TTLL3: variants seen among roughly 807,000 people sequenced by gnomAD.
TTLL3 encodes tubulin monoglycylase TTLL3.
Under a neutral mutation model 75.2 loss-of-function variants are expected in TTLL3, and 63 were observed. The ratio of observed to expected loss-of-function variants is 0.84; its 90% CI spans 0.68 to 1.03. The LOEUF (loss-of-function observed/expected upper bound fraction) is 1.03, where lower values mean the gene tolerates loss of function less well. Ranked by LOEUF, TTLL3 falls within the 50% of genes least tolerant of loss-of-function variation. TTLL3 has a pLI of 0.00. For synonymous variants in TTLL3, 393 were observed against 418.5 expected (o/e 0.94, Z 0.74); for missense variants, 997 against 1,069.9 (o/e 0.93, Z 0.95).
At chr3:9,812,883 C>G in intron 2 of TTLL3, 60 bp from the exon 3 acceptor site, 1 of 1,421,022 alleles carries the variant, frequency 7.0e-7, no homozygotes, top group South Asian at 2.0e-5. Flanking sequence ...ACCTTTATAT[C>G]CCCTATGTCT....
intron 5 of TTLL3, among the ~76,000 whole-genome samples, chr3:9,817,161 ACG>A (rs1293104737): frequency 6.6e-6 from 1 of 152,098 alleles, no homozygotes; most frequent in Non-Finnish European, 1.5e-5. Context: ...ACAGTGGCTC[ACG>A]CCTGTAATCC....
rs574527087 is a variant in TTLL3, at chr3:9,825,678, A to C, written c.855-122A>C. On this transcript the variant is annotated intron_variant, in intron 8 of 13. Transcript: ENST00000685419. ...TTGGGAGGGACCTATGGATATCTGC[A>C]GGGAGGGCGTGACCAAGGCTGCCTG... 5 of 1,567,662 alleles carry C rather than the reference A, an allele frequency of 3.2e-6. No homozygotes were observed. In the African/African-American group the frequency reaches 5.4e-5, roughly 17 times the overall value.
At chr3:9,818,748 C>T (rs1295620422) in intron 6 of TTLL3, 74 bp from the exon 7 acceptor site, 1 of 1,609,586 alleles carries the variant, frequency 6.2e-7, no homozygotes, top group Non-Finnish European at 8.5e-7. Flanking sequence ...TGGGGCAAGT[C>T]ATGATCAGGT....
At chr3:9,818,960 C>G (rs371590443) in intron 7 of TTLL3, 40 bp downstream of exon 7, 1 of 1,613,348 alleles carries the variant, frequency 6.2e-7, no homozygotes, top group Non-Finnish European at 8.5e-7. Context: ...ACCCATTTAT[C>G]CTCCACCCAT....
Position 9,810,684 on chromosome 3 carries a change from A to C in TTLL3, c.23A>C (p.Lys8Thr), listed in dbSNP as rs1440792135. The C allele has an allele frequency of 6.3e-7, 1 of 1,587,862 alleles. No individual in the cohort carries two copies. Among genetic ancestry groups the C allele is most frequent in the South Asian group, 1.2e-5 (1 of 86,662 alleles). MNRLRNA[K>T]IYVERAVKQK... ...CACATGAACCGGCTCAGAAACGCCA[A>C]AATCTACGTGGAGAGAGCTGTCAAG... Residue 8 changes from lysine (K) to threonine (T), a missense_variant, in exon 2 of 14, where the codon AAA becomes ACA. By Grantham distance (78) the Lys-to-Thr change is moderately conservative. Coordinates refer to ENST00000685419, the MANE Select transcript of TTLL3 (RefSeq NM_001387446.1). The surrounding 1 kb of genome is among the most constrained non-coding windows in gnomAD (Gnocchi z 4.4).
chr3:9,816,460 G>A (rs973739209), intron 5 of TTLL3, among the ~76,000 whole-genome samples: 5 of 151,650 alleles, frequency 3.3e-5, no homozygotes, highest in East Asian at 1.9e-4. Context: ...GTGAGCAAAC[G>A]GACTCTTACC....
At chr3:9,816,661 G>A (rs1023746984) in intron 5 of TTLL3, among the ~76,000 whole-genome samples, 3 of 151,912 alleles carry the variant, frequency 2.0e-5, no homozygotes, top group Non-Finnish European at 4.4e-5. Context: ...GACTACAGGT[G>A]CGTGTCACCA....
At position 9,827,209 on chromosome 3, in the gene TTLL3, A is replaced by G; in HGVS notation, c.1216A>G (p.Thr406Ala). 2 of 1,614,146 alleles carry G rather than the reference A, an allele frequency of 1.2e-6. No homozygotes were observed. The highest frequency in any genetic ancestry group is 8.5e-7 in the Non-Finnish European group (1 of 1,179,998). The change falls in exon 10 of 14, where the codon ACG becomes GCG. Residue 406 changes from threonine to alanine, a missense_variant. Coordinates refer to ENST00000685419, the MANE Select transcript of TTLL3 (RefSeq NM_001387446.1). ...CCGCGACAGCTATATCCGCTTTTCCACGCAGCCCTTCTCCCTGAAGAACCT... is the reference window on the plus strand; with the variant it reads ...CCGCGACAGCTATATCCGCTTTTCCGCGCAGCCCTTCTCCCTGAAGAACCT... ...FYRDSYIRFS[T>A]QPFSLKNLDN...
intron 13 of TTLL3, 49 bp from the exon 14 acceptor site, chr3:9,835,045 T>G: frequency 6.3e-7 from 1 of 1,587,366 alleles, no homozygotes. Flanking sequence ...AGCCCCTTCC[T>G]CCACAGACTT....
intron 7 of TTLL3, chr3:9,819,177 G>C: frequency 1.9e-6 from 1 of 519,756 alleles, no homozygotes; most frequent in Non-Finnish European, 3.4e-6. Flanking sequence ...CCTCCCACCT[G>C]TCACCCATTG....
At position 9,835,751 on chromosome 3, in the gene TTLL3, G is replaced by A. The variant is rs1181418937; in HGVS notation, c.*262G>A. 4.4e-6 allele frequency: 2 copies of A among 459,064 alleles called. No individual in the cohort carries two copies. The highest frequency in any genetic ancestry group is 2.0e-5 in the African/African-American group (1 of 50,124). The allele number at this position is 459,064 out of a possible 1,614,324, so 28.4% of individuals were successfully genotyped here. A position where few individuals can be genotyped will look rare whatever the true frequency, so the allele number is the denominator to read the frequency against. ...CAACCCCAGAGAACAAGCCAAGCTA[G>A]CAGAATGACACCTACCGGGCATAGG... On this transcript the variant is annotated 3_prime_UTR_variant, in exon 14 of 14. Coordinates refer to ENST00000685419, the MANE Select transcript of TTLL3 (RefSeq NM_001387446.1).
intron 7 of TTLL3, 32 bp from the exon 8 acceptor site, chr3:9,820,514 T>C (rs1309969204): frequency 1.9e-6 from 3 of 1,611,040 alleles, no homozygotes; most frequent in East Asian, 2.2e-5. Flanking sequence ...TGCCTTGATA[T>C]GGGATCGTGA....
chr3:9,814,830 T>C (rs915195065), intron 4 of TTLL3, among the ~76,000 whole-genome samples: 2 of 150,282 alleles, frequency 1.3e-5, no homozygotes, highest in African/African-American at 2.5e-5. Context: ...CATCTGAAAA[T>C]AAAGAAAAAA....
At chr3:9,812,711 G>A in intron 2 of TTLL3, 1 of 398,718 alleles carries the variant, frequency 2.5e-6, no homozygotes, top group Non-Finnish European at 4.2e-6. Context: ...TGTTAGTAAT[G>A]CATGTAAGTG....
At chr3:9,814,226 C>T (rs1444517873) in intron 4 of TTLL3, among the ~76,000 whole-genome samples, 2 of 152,188 alleles carry the variant, frequency 1.3e-5, no homozygotes, top group East Asian at 3.8e-4. Context: ...ATCCCAGCTA[C>T]TCGGGAAGCT....
intron 8 of TTLL3, among the ~76,000 whole-genome samples, chr3:9,822,077 T>TG (rs1379360069): frequency 6.9e-6 from 1 of 144,262 alleles, no homozygotes; most frequent in Non-Finnish European, 1.5e-5. Context: ...TTTTTTTTTT[T>TG]TTTTTTGAGA....
chr3:9,834,492 A>G (rs1460274853), intron 12 of TTLL3, 189 bp from the exon 13 acceptor site: 2 of 922,024 alleles, frequency 2.2e-6, no homozygotes, highest in Non-Finnish European at 3.4e-6. Context: ...CACAGCTGGG[A>G]TGCAGACCCA....
rs2079230853 is a variant in TTLL3, at chr3:9,810,408, G to A, written c.-42+14G>A. On this transcript the variant is annotated intron_variant, in intron 1 of 13. Coordinates refer to ENST00000685419, the MANE Select transcript of TTLL3 (RefSeq NM_001387446.1). The surrounding 1 kb of genome is among the most constrained non-coding windows in gnomAD (Gnocchi z 4.4). ...CTCCGCAGGATGGTGAGGCCCGTGC[G>A]GCCCGCTCGCTCTGGCCTACAGCGG... 11 of 1,412,456 alleles carry A rather than the reference G, an allele frequency of 7.8e-6. No homozygotes were observed. The South Asian group carries it at 9.1e-5, about 12-fold the overall frequency. 87.5% of individuals were successfully genotyped at this position (1,412,456 alleles called of 1,614,324 possible). A position where few individuals can be genotyped will look rare whatever the true frequency, so the allele number is the denominator to read the frequency against.
In TTLL3 at chr3:9,820,725, T is replaced by C. The variant is rs1370625794; in HGVS notation, c.838T>C (p.Tyr280His). 4 of 1,613,966 alleles carry C rather than the reference T, an allele frequency of 2.5e-6. No individual in the cohort carries two copies. In the Admixed American group the frequency reaches 5.0e-5, roughly 20 times the overall value. Residue 280 changes from tyrosine to histidine, a missense_variant, in exon 8 of 14, where the codon TAC becomes CAC. Physicochemically the swap from Tyr to His is moderately conservative, Grantham distance 83. Coordinates refer to ENST00000685419, the MANE Select transcript of TTLL3 (RefSeq NM_001387446.1). ...PEGWSLFLQR[Y>H]YQVVHEGAEL... ...GGGCTGGTCCCTCTTCCTCCAGCGC[T>C]ACTACCAAGTGGTCCAGTGAGTCCC...
Sources: gnomAD v4.1 joint callset for allele counts (sites outside exome capture counted in the v4.1 genomes callset) on GRCh38, gnomAD v4.1.1 for gene constraint, Gnocchi (gnomAD v3.1) non-coding constraint, MANE v1.5 for transcripts, NCBI Gene and HGNC (gene_info 2026-07-23, HGNC 2026-07-21) for gene names.